The following FMN2 variants were observed in gnomAD, a reference collection of about 807,000 sequenced individuals.
FMN2 encodes formin 2, also known as formin-2.
A neutral mutation model predicts 142.3 loss-of-function variants in FMN2; 51 were observed. The observed-to-expected ratio is 0.36, with a 90% CI of 0.29 to 0.45. FMN2 has a LOEUF of 0.45. FMN2 is among the 20% of genes least tolerant of loss of function. The probability of loss-of-function intolerance (pLI) is 1.00; values close to 1 mark genes in which losing one functional copy is unlikely to be tolerated. For synonymous variants in FMN2, 882 were observed against 869.8 expected, an observed-to-expected ratio of 1.01 and a Z score of -0.25; for missense variants, 1,936 against 2,122.8, an observed-to-expected ratio of 0.91 and a Z score of 1.73.
chr1:240,448,916 G>A (rs1180058341), intron 16 of FMN2, among the ~76,000 whole-genome samples: 1 of 152,122 alleles, frequency 6.6e-6, no homozygotes, highest in South Asian at 2.1e-4. Flanking sequence ...GCCAAGGCGG[G>A]TGGATGGCTG....
chr1:240,167,304 G>T (rs201437783), intron 2 of FMN2, among the ~76,000 whole-genome samples: 1 of 151,542 alleles, frequency 6.6e-6, no homozygotes, highest in Non-Finnish European at 1.5e-5. Context: ...TTTTGGGTGG[G>T]GGGGACAGAA....
chr1:240,218,562 T>TA (rs34031862), intron 6 of FMN2, among the ~76,000 whole-genome samples: 96,169 of 147,762 alleles, frequency 0.65, 31,677 homozygotes, highest in African/African-American at 0.75. Context: ...ATCTCATCTC[T>TA]AAAAAAAAAA....
intron 3 of FMN2, among the ~76,000 whole-genome samples, chr1:240,187,420 C>A (rs1278842297): frequency 6.6e-6 from 1 of 152,048 alleles, no homozygotes; most frequent in Non-Finnish European, 1.5e-5. Flanking sequence ...TTGCCAACAA[C>A]CACTTGCATT....
intron 2 of FMN2, among the ~76,000 whole-genome samples, chr1:240,149,413 G>A (rs2103269346): frequency 6.6e-6 from 1 of 152,312 alleles, no homozygotes; most frequent in Middle Eastern, 3.4e-3. Flanking sequence ...TACTATTCAT[G>A]TCACATCCAT....
At chr1:240,234,354 T>TG (rs1667626806) in intron 6 of FMN2, among the ~76,000 whole-genome samples, 1 of 152,106 alleles carries the variant, frequency 6.6e-6, no homozygotes, top group Admixed American at 6.5e-5. Flanking sequence ...TTTTACACAA[T>TG]GGGCAGAACT....
At chr1:240,324,849 A>G (rs949105647) in intron 8 of FMN2, among the ~76,000 whole-genome samples, 4 of 152,138 alleles carry the variant, frequency 2.6e-5, no homozygotes, top group African/African-American at 9.7e-5. Flanking sequence ...TTGTGGGGGT[A>G]TTTACTTAAA....
chr1:240,238,471 A>G (rs915384432), intron 6 of FMN2, among the ~76,000 whole-genome samples: 2 of 152,216 alleles, frequency 1.3e-5, no homozygotes, highest in Admixed American at 6.5e-5. Flanking sequence ...ATTAGAAACC[A>G]CTGACACATA....
chr1:240,279,942 G>A (rs574703506), intron 7 of FMN2, among the ~76,000 whole-genome samples: 1 of 152,194 alleles, frequency 6.6e-6, no homozygotes, highest in East Asian at 1.9e-4. Context: ...ATAAATATGT[G>A]GGTTTTAGAT....
rs1380520260 is a variant in FMN2, at chr1:240,329,224, G to GT, written c.4307+60dup. On this transcript the variant is annotated intron_variant, in intron 9 of 17. Coordinates refer to ENST00000319653, the MANE Select transcript of FMN2 (RefSeq NM_020066.5). ...TCCAGGCTATGGGTGGGCCCGTTTT[G>GT]TTTGGAAAATGCAAATGCGGTGTCT... 6 of 1,605,972 alleles carry GT rather than the reference G, an allele frequency of 3.7e-6. No individual in the cohort carries two copies. The African/African-American group carries it at 8.1e-5, about 22-fold the overall frequency.
intron 13 of FMN2, among the ~76,000 whole-genome samples, chr1:240,337,761 G>T (rs1558440915): frequency 1.3e-5 from 2 of 152,126 alleles, no homozygotes. Context: ...CTAAGGAAAG[G>T]CTGAAAAATA....
At chr1:240,449,686 G>T (rs11590081) in intron 16 of FMN2, among the ~76,000 whole-genome samples, 57,503 of 151,936 alleles carry the variant, frequency 0.38, 11,805 homozygotes, top group Admixed American at 0.45. Flanking sequence ...TGTGTGAAAA[G>T]CTATTGTATA....
intron 3 of FMN2, among the ~76,000 whole-genome samples, chr1:240,186,766 T>C (rs1051800025): frequency 2.4e-4 from 36 of 151,984 alleles, no homozygotes; most frequent in African/African-American, 8.5e-4. Flanking sequence ...TGGAGGTGGG[T>C]AGAGAGGCTA....
In FMN2 at chr1:240,306,527, C is replaced by G. The variant is rs550770423; in HGVS notation, c.4215+11644C>G. Among the ~76,000 whole-genome samples the G allele has an allele frequency of 9.7e-4, 147 of 152,230 alleles. 1 individual carries two copies. Among genetic ancestry groups the G allele is most frequent in the Non-Finnish European group, 1.5e-3 (99 of 67,994 alleles). ...AGTGAGAACATGTGATATGTTTCTG[C>G]ATATGGAATAACAGTCTCTAGCTGC... On this transcript the variant is annotated intron_variant, in intron 8 of 17. Transcript: ENST00000319653.
chr1:240,105,378 G>C (rs1558297469), intron 1 of FMN2, among the ~76,000 whole-genome samples: 1 of 152,012 alleles, frequency 6.6e-6, no homozygotes, highest in Non-Finnish European at 1.5e-5. Context: ...CAGAGTGTGG[G>C]AGTTACAGGT....
chr1:240,369,201 G>T (rs1672783399), intron 14 of FMN2, among the ~76,000 whole-genome samples: 2 of 151,892 alleles, frequency 1.3e-5, no homozygotes, highest in African/African-American at 4.8e-5. Flanking sequence ...TTTTGGTTTT[G>T]TTTTTAGTTG....
At chr1:240,377,374 T>C (rs1467622205) in intron 14 of FMN2, among the ~76,000 whole-genome samples, 1 of 152,146 alleles carries the variant, frequency 6.6e-6, no homozygotes, top group African/African-American at 2.4e-5. Flanking sequence ...GCATAGTTTC[T>C]GACAAGGAAT....
chr1:240,416,413 C>T (rs781325257), intron 15 of FMN2, among the ~76,000 whole-genome samples: 18 of 151,870 alleles, frequency 1.2e-4, no homozygotes, highest in Non-Finnish European at 2.2e-4. Flanking sequence ...GACGTGCCAC[C>T]ACCAAAAATT....
At chr1:240,313,513 A>G (rs60377110) in intron 8 of FMN2, among the ~76,000 whole-genome samples, 5,104 of 152,242 alleles carry the variant, frequency 0.034, 286 homozygotes, top group African/African-American at 0.12. Flanking sequence ...ATATCTAACA[A>G]TGGTTTTATC....
chr1:240,105,684 T>G (rs889287604), intron 1 of FMN2, among the ~76,000 whole-genome samples: 2 of 152,212 alleles, frequency 1.3e-5, no homozygotes, highest in Non-Finnish European at 2.9e-5. Flanking sequence ...CTAATGGGAA[T>G]GGGATCTTAC....
Sources: allele counts gnomAD v4.1 joint callset (sites outside exome capture counted in the v4.1 genomes callset), GRCh38; gene constraint gnomAD v4.1.1; transcripts MANE v1.5; gene names NCBI Gene and HGNC (gene_info 2026-07-23, HGNC 2026-07-21).